The following GRM3 variants were observed in gnomAD, a reference collection of about 807,000 sequenced individuals.
GRM3 encodes the protein metabotropic glutamate receptor 3.
Under a neutral mutation model 70.5 loss-of-function variants are expected in GRM3, and 26 were observed. The observed-to-expected ratio is 0.37, with a 90% CI of 0.27 to 0.51. The LOEUF is 0.51. Ranked by LOEUF, GRM3 falls within the 20% of genes least tolerant of loss-of-function variation. GRM3 has a pLI of 0.93. For missense variants in GRM3, 859 were observed against 1,123.8 expected (o/e 0.76, Z 3.37); for synonymous variants, 443 against 434.9 (o/e 1.02, Z -0.23).
rs549792589 is a variant in GRM3 at position 86,771,547 on chromosome 7, CATAGAACATTATTCT to C, written c.468+5962_468+5976del. Reference sequence around the variant, plus strand: ...AGTAGGCACAGCAAGAACAGTATTCCATAGAACATTATTCTATAGAACATTATTCTATAGAACATT... The same window carrying C: ...AGTAGGCACAGCAAGAACAGTATTCCATAGAACATTATTCTATAGAACATT... On this transcript the variant is annotated intron_variant, in intron 2 of 5. Transcript: ENST00000361669. 5.2e-4 allele frequency among the ~76,000 whole-genome samples: 79 copies of C among 152,016 alleles called. 1 individual carries two copies. In the South Asian group the frequency reaches 0.012, roughly 23 times the overall value.
chr7:86,648,045 C>G (rs1470502438), intron 1 of GRM3, among the ~76,000 whole-genome samples: 4 of 152,188 alleles, frequency 2.6e-5, no homozygotes, highest in African/African-American at 9.7e-5. Flanking sequence ...TTGTCTGATT[C>G]AGATTCTTCA....
intron 2 of GRM3, among the ~76,000 whole-genome samples, chr7:86,775,784 T>C (rs1349653590): frequency 2.0e-5 from 3 of 152,074 alleles, no homozygotes; most frequent in African/African-American, 4.8e-5. Context: ...CTCTCTTCTA[T>C]GTAAAAACCT....
At chr7:86,777,043 G>T (rs1796910094) in intron 2 of GRM3, among the ~76,000 whole-genome samples, 1 of 152,172 alleles carries the variant, frequency 6.6e-6, no homozygotes, top group Admixed American at 6.5e-5. Context: ...TGGATGGAAA[G>T]AAAGTTATTC....
intron 3 of GRM3, among the ~76,000 whole-genome samples, chr7:86,819,066 TC>T (rs1182123222): frequency 1.2e-4 from 18 of 152,230 alleles, no homozygotes; most frequent in African/African-American, 4.3e-4. Flanking sequence ...GTAAAATGTA[TC>T]CCCACGGAGT....
chr7:86,836,774 C>G (rs144896325), intron 3 of GRM3, among the ~76,000 whole-genome samples: 18 of 152,278 alleles, frequency 1.2e-4, no homozygotes, highest in Non-Finnish European at 2.6e-4. Flanking sequence ...TTGTGCTTAA[C>G]ATGTTATATG....
At chr7:86,741,434 G>A (rs1239699948) in intron 1 of GRM3, among the ~76,000 whole-genome samples, 1 of 152,180 alleles carries the variant, frequency 6.6e-6, no homozygotes, top group South Asian at 2.1e-4. Context: ...ATGGGGCAGA[G>A]ATAAATGGGC....
At chr7:86,763,473 A>G (rs1386833452) in intron 1 of GRM3, among the ~76,000 whole-genome samples, 1 of 152,182 alleles carries the variant, frequency 6.6e-6, no homozygotes, top group Non-Finnish European at 1.5e-5. Flanking sequence ...AACAGCAGGT[A>G]CATAGGTTCA....
chr7:86,680,183 G>T (rs1357308911), intron 1 of GRM3, among the ~76,000 whole-genome samples: 4 of 152,028 alleles, frequency 2.6e-5, no homozygotes, highest in Non-Finnish European at 4.4e-5. Flanking sequence ...AAAGCGCCTA[G>T]GAACCACAAA....
intron 3 of GRM3, among the ~76,000 whole-genome samples, chr7:86,831,312 T>A (rs1798347582): frequency 6.6e-6 from 1 of 151,976 alleles, no homozygotes. Flanking sequence ...TTCAAAATGC[T>A]TTTTTTTGTA....
chr7:86,792,280 G>T (rs1363706019), intron 3 of GRM3, among the ~76,000 whole-genome samples: 1 of 152,110 alleles, frequency 6.6e-6, no homozygotes, highest in Non-Finnish European at 1.5e-5. Context: ...GAAAATTCAG[G>T]ATGTCAGCAT....
At chr7:86,778,254 T>C (rs180924778) in intron 2 of GRM3, among the ~76,000 whole-genome samples, 28 of 152,326 alleles carry the variant, frequency 1.8e-4, no homozygotes, top group African/African-American at 6.7e-4. Flanking sequence ...CTCTTTGTCA[T>C]CTGGAATTTT....
In GRM3 at chr7:86,738,962, T is replaced by C. The variant is rs148300449; in HGVS notation, c.-140-26044T>C. 2.0e-4 allele frequency among the ~76,000 whole-genome samples: 30 copies of C among 152,320 alleles called. No homozygotes were observed. The East Asian group carries it at 5.4e-3, about 27-fold the overall frequency. ...ACATTGTTATTAACTATCATCACTATGTTGTACACCAGGTCTCTTTTTGTT... is the reference window on the plus strand; with the variant it reads ...ACATTGTTATTAACTATCATCACTACGTTGTACACCAGGTCTCTTTTTGTT... On this transcript the variant is annotated intron_variant, in intron 1 of 5. Transcript: ENST00000361669.
intron 1 of GRM3, among the ~76,000 whole-genome samples, chr7:86,746,385 A>G (rs1193556836): frequency 1.4e-5 from 2 of 143,954 alleles, no homozygotes; most frequent in African/African-American, 2.6e-5. Context: ...AATCACTTCA[A>G]TAGAATTCTG....
intron 1 of GRM3, among the ~76,000 whole-genome samples, chr7:86,705,879 A>G (rs1381278958): frequency 7.0e-6 from 1 of 142,232 alleles, no homozygotes; most frequent in African/African-American, 2.7e-5. Flanking sequence ...TAAAGATCAC[A>G]AAGCAAGATT....
intron 1 of GRM3, among the ~76,000 whole-genome samples, chr7:86,710,642 A>G (rs1439689521): frequency 6.6e-6 from 1 of 151,546 alleles, no homozygotes; most frequent in African/African-American, 2.4e-5. Flanking sequence ...TGGGGAAAAT[A>G]GTTTTAAAAA....
At chr7:86,677,745 T>G (rs1159322026) in intron 1 of GRM3, among the ~76,000 whole-genome samples, 1 of 151,780 alleles carries the variant, frequency 6.6e-6, no homozygotes, top group African/African-American at 2.4e-5. Context: ...TTCTAAAAGT[T>G]CAAAAAATAT....
chr7:86,769,491 T>C (rs1254536208), intron 2 of GRM3, among the ~76,000 whole-genome samples: 1 of 152,160 alleles, frequency 6.6e-6, no homozygotes, highest in African/African-American at 2.4e-5. Flanking sequence ...TCTCCCCATT[T>C]GGGCCTGGAT....
chr7:86,857,868 T>G (rs958699180), intron 5 of GRM3, among the ~76,000 whole-genome samples: 2 of 152,152 alleles, frequency 1.3e-5, no homozygotes, highest in Admixed American at 6.6e-5. Context: ...TACCAATTAT[T>G]TATTGGGCAT....
At chr7:86,801,872 AGTGTT>A (rs1243768011) in intron 3 of GRM3, among the ~76,000 whole-genome samples, 2 of 152,090 alleles carry the variant, frequency 1.3e-5, no homozygotes, top group African/African-American at 4.8e-5. Flanking sequence ...GGAACCGTAA[AGTGTT>A]GTTTTGATTT....
Sources: gnomAD v4.1 joint callset for allele counts (sites outside exome capture counted in the v4.1 genomes callset) on GRCh38, gnomAD v4.1.1 for gene constraint, MANE v1.5 for transcripts, NCBI Gene and HGNC (gene_info 2026-07-23, HGNC 2026-07-21) for gene names.